Variants in CACNA2D3 observed in about 807,000 individuals in gnomAD.
CACNA2D3 encodes voltage-dependent calcium channel subunit alpha-2/delta-3.
In CACNA2D3, 60 loss-of-function variants were observed where a neutral mutation model predicts 160.6. The ratio of observed to expected loss-of-function variants is 0.37; its 90% CI spans 0.30 to 0.46. The LOEUF is 0.46. CACNA2D3 is among the 20% of genes least tolerant of loss of function. CACNA2D3 has a pLI of 1.00. For synonymous variants in CACNA2D3, 558 were observed against 492.9 expected, an observed-to-expected ratio of 1.13 and a Z score of -1.75; for missense variants, 1,205 against 1,365.0, an observed-to-expected ratio of 0.88 and a Z score of 1.85.
At chr3:54,172,679 C>T (rs968542917) in intron 2 of CACNA2D3, among the ~76,000 whole-genome samples, 5 of 152,148 alleles carry the variant, frequency 3.3e-5, no homozygotes, top group Non-Finnish European at 7.3e-5. Context: ...CAAAACTGCC[C>T]ATTTCATATG....
chr3:54,849,853 A>C (rs1699017694), intron 17 of CACNA2D3, among the ~76,000 whole-genome samples: 1 of 152,208 alleles, frequency 6.6e-6, no homozygotes, highest in Non-Finnish European at 1.5e-5. Context: ...CCCTACAGCC[A>C]GAGGAAAGAG....
At chr3:54,908,978 A>G (rs1210332936) in intron 27 of CACNA2D3, among the ~76,000 whole-genome samples, 2 of 152,210 alleles carry the variant, frequency 1.3e-5, no homozygotes, top group African/African-American at 2.4e-5. Flanking sequence ...AGAACAACGA[A>G]AAAGGCTGAT....
chr3:54,575,199 A>G (rs1321427515), intron 8 of CACNA2D3, among the ~76,000 whole-genome samples: 1 of 152,242 alleles, frequency 6.6e-6, no homozygotes, highest in African/African-American at 2.4e-5. Context: ...ATTTAATCAA[A>G]AGTGCACCAG....
intron 2 of CACNA2D3, among the ~76,000 whole-genome samples, chr3:54,164,056 C>T (rs1379340410): frequency 6.6e-6 from 1 of 152,200 alleles, no homozygotes; most frequent in African/African-American, 2.4e-5. Context: ...GGAGTTTGAA[C>T]ATCATGTAGC....
chr3:54,351,925 ACCT>A (rs756311424), intron 3 of CACNA2D3, among the ~76,000 whole-genome samples: 1 of 152,168 alleles, frequency 6.6e-6, no homozygotes, highest in Non-Finnish European at 1.5e-5. Context: ...CATGTTGGAT[ACCT>A]CCTCTGCAGA....
chr3:54,450,856 G>A (rs1700294071), intron 4 of CACNA2D3, among the ~76,000 whole-genome samples: 1 of 152,144 alleles, frequency 6.6e-6, no homozygotes, highest in South Asian at 2.1e-4. Flanking sequence ...AGGTGTCAGG[G>A]AGACTCAGGG....
intron 13 of CACNA2D3, among the ~76,000 whole-genome samples, chr3:54,794,247 T>C (rs954200350): frequency 7.9e-5 from 12 of 152,194 alleles, no homozygotes; most frequent in Non-Finnish European, 1.8e-4. Flanking sequence ...TTGTTTCTTT[T>C]GAGTGATTGT....
chr3:54,752,927 C>T (rs1359955638), intron 12 of CACNA2D3, among the ~76,000 whole-genome samples: 1 of 148,424 alleles, frequency 6.7e-6, no homozygotes, highest in Non-Finnish European at 1.5e-5. Flanking sequence ...GTAACGCGAT[C>T]TCAGCTCACT....
At chr3:54,721,488 C>T (rs890673427) in intron 11 of CACNA2D3, among the ~76,000 whole-genome samples, 10 of 152,036 alleles carry the variant, frequency 6.6e-5, no homozygotes, top group Admixed American at 2.6e-4. Context: ...TGACTGGGCA[C>T]GGTGGCTCAC....
intron 4 of CACNA2D3, among the ~76,000 whole-genome samples, chr3:54,493,894 C>G (rs528902191): frequency 6.6e-6 from 1 of 152,310 alleles, no homozygotes; most frequent in Admixed American, 6.5e-5. Context: ...CTCTGAAGCC[C>G]AAAATATTTA....
At chr3:54,246,723 T>TAAAAAAAAAAA (rs1702088116) in intron 2 of CACNA2D3, among the ~76,000 whole-genome samples, 1 of 136,652 alleles carries the variant, frequency 7.3e-6, no homozygotes, top group African/African-American at 3.6e-5. Context: ...AAACTCCATC[T>TAAAAAAAAAAA]CAAAAAAACA....
At chr3:54,495,923 CTCTTT>C (rs1701195887) in intron 4 of CACNA2D3, among the ~76,000 whole-genome samples, 1 of 152,170 alleles carries the variant, frequency 6.6e-6, no homozygotes, top group Non-Finnish European at 1.5e-5. Context: ...TGCATATGTA[CTCTTT>C]TGTCTCTGGT....
chr3:54,851,856 T>G (rs1699064543), intron 17 of CACNA2D3, among the ~76,000 whole-genome samples: 1 of 152,214 alleles, frequency 6.6e-6, no homozygotes, highest in South Asian at 2.1e-4. Context: ...CATGCTAATC[T>G]TTGAAATATG....
At chr3:54,748,688 A>G (rs1338208889) in intron 11 of CACNA2D3, among the ~76,000 whole-genome samples, 1 of 152,014 alleles carries the variant, frequency 6.6e-6, no homozygotes, top group African/African-American at 2.4e-5. Context: ...TTCCAGAACT[A>G]TGTCACAGCA....
chr3:54,764,092 G>T (rs1433254987), intron 12 of CACNA2D3, 126 bp from the exon 13 acceptor site: 1 of 984,356 alleles, frequency 1.0e-6, no homozygotes, highest in African/African-American at 1.6e-5. Flanking sequence ...TGGGGGAGAG[G>T]AGCTAACATT....
chr3:54,920,005 A>G (rs1700790759), intron 27 of CACNA2D3, among the ~76,000 whole-genome samples: 1 of 152,214 alleles, frequency 6.6e-6, no homozygotes, highest in African/African-American at 2.4e-5. Flanking sequence ...TTGATTGGAC[A>G]GAACTGCCCC....
intron 11 of CACNA2D3, among the ~76,000 whole-genome samples, chr3:54,704,808 G>A (rs1700827869): frequency 6.6e-6 from 1 of 152,096 alleles, no homozygotes. Context: ...TGTTCTTGGT[G>A]TGCATTGCAG....
chr3:54,675,241 C>T (rs1156789557), intron 11 of CACNA2D3, among the ~76,000 whole-genome samples: 3 of 152,110 alleles, frequency 2.0e-5, no homozygotes, highest in Non-Finnish European at 2.9e-5. Context: ...TTTCCAAGGA[C>T]AGACAGACTT....
chr3:54,811,080 C>G (rs75785015), intron 13 of CACNA2D3, among the ~76,000 whole-genome samples: 1 of 152,180 alleles, frequency 6.6e-6, no homozygotes, highest in Non-Finnish European at 1.5e-5. Flanking sequence ...CTTCGGTAAC[C>G]TCATCTACGT....
Sources: gnomAD v4.1 joint callset for allele counts (sites outside exome capture counted in the v4.1 genomes callset) on GRCh38, gnomAD v4.1.1 for gene constraint, MANE v1.5 for transcripts, NCBI Gene and HGNC (gene_info 2026-07-23, HGNC 2026-07-21) for gene names.